BAIAP3: variants seen among roughly 807,000 people sequenced by gnomAD.
BAIAP3 encodes the protein BAI1 associated protein 3, also known as BAI1-associated protein 3.
BAIAP3 carries 180 observed loss-of-function variants against 149.7 expected under a neutral mutation model. The ratio of observed to expected loss-of-function variants is 1.20; its 90% CI spans 1.07 to 1.36. The LOEUF (loss-of-function observed/expected upper bound fraction) is 1.36. Ranked by LOEUF, BAIAP3 falls within the 40% of genes most tolerant of loss-of-function variation. The pLI is 0.00. For missense variants in BAIAP3, 1,767 were observed against 1,563.4 expected, an observed-to-expected ratio of 1.13 and a Z score of -2.20; for synonymous variants, 845 against 670.7, an observed-to-expected ratio of 1.26 and a Z score of -4.02.
intron 9 of BAIAP3, 48 bp downstream of exon 9, chr16:1,341,914 C>CG: frequency 6.3e-7 from 1 of 1,598,480 alleles, no homozygotes; most frequent in Non-Finnish European, 8.5e-7. Context: ...ACACCTTTTG[C>CG]GGGGGAGCAG....
At position 1,347,741 on chromosome 16, in the gene BAIAP3, G is replaced by T. The variant is rs774424048; in HGVS notation, c.2945G>T (p.Arg982Leu). The T allele has an allele frequency of 6.2e-7, 1 of 1,609,980 alleles. No individual in the cohort carries two copies. Among genetic ancestry groups the T allele is most frequent in the Non-Finnish European group, 8.5e-7 (1 of 1,177,816 alleles). Residue 982 changes from arginine to leucine, a missense_variant, in exon 31 of 34, where the codon CGT becomes CTT. By Grantham distance (102) the Arg-to-Leu change is moderately radical. Transcript: ENST00000426824. ...AACCGGTTTGGACGCCTGAGCGTCCGTTGCCATTACGAGGCGGCTGAGCAG... is the reference window on the plus strand; with the variant it reads ...AACCGGTTTGGACGCCTGAGCGTCCTTTGCCATTACGAGGCGGCTGAGCAG... ...EQNRFGRLSV[R>L]CHYEAAEQRL...
chr16:1,344,248 CT>C lies in BAIAP3; in HGVS notation c.1535del (p.Phe512SerfsTer14). 6.2e-7 allele frequency: 1 copy of C among 1,613,698 alleles called. No homozygotes were observed. Among genetic ancestry groups the C allele is most frequent in the Non-Finnish European group, 8.5e-7 (1 of 1,179,982 alleles). On this transcript the variant is annotated frameshift_variant, in exon 17 of 34. Transcript: ENST00000426824. LOFTEE classifies it high-confidence loss of function. ...CCAGGTGTCTGGGCAAGCTGCAGCT[CT>C]TCCAACCCTCCTTTGAGATCTGCCC... ...LLKCLGKLQL[F>X]QPSFEICPFE...
chr16:1,347,145 G>T, intron 28 of BAIAP3, 153 bp from the exon 29 acceptor site: 1 of 930,184 alleles, frequency 1.1e-6, no homozygotes. Flanking sequence ...ACGCTTCCTG[G>T]GAGCTTCCGA....
rs752604358 is a variant in BAIAP3 at position 1,349,350 on chromosome 16, G to A, written c.*868G>A. On this transcript the variant is annotated 3_prime_UTR_variant, in exon 34 of 34. Coordinates refer to ENST00000426824, the MANE Select transcript of BAIAP3 (RefSeq NM_001199097.2). Reference sequence around the variant, plus strand: ...GCTCAGTCCTGCCAGCAGCCGCAAAGAGCCGAGGCTGCCAGGCCCATTTAT... The same window carrying A: ...GCTCAGTCCTGCCAGCAGCCGCAAAAAGCCGAGGCTGCCAGGCCCATTTAT... The A allele has an allele frequency of 3.5e-5, 52 of 1,478,308 alleles. No homozygotes were observed. In the South Asian group the frequency reaches 5.4e-4, roughly 15 times the overall value. 91.6% of individuals were successfully genotyped at this position (1,478,308 alleles called of 1,614,324 possible).
chr16:1,334,842 C>T, intron 1 of BAIAP3: 1 of 1,329,360 alleles, frequency 7.5e-7, no homozygotes, highest in Non-Finnish European at 1.1e-6. Flanking sequence ...AGCAGGGAAG[C>T]TGGAGAGAAG....
chr16:1,342,586 G>C lies in BAIAP3; in HGVS notation c.1017G>C (p.Ser339=). The C allele has an allele frequency of 1.3e-6, 2 of 1,564,930 alleles. No homozygotes were observed. The highest frequency in any genetic ancestry group is 2.4e-5 in the East Asian group (1 of 41,788). The change falls in exon 12 of 34, where the codon TCG becomes TCC. Residue 339 remains serine, a synonymous_variant. Transcript: ENST00000426824. The part of the protein sequence containing the change: ...WFKLEPRSSA[S]RVQGHCHLVL... ...AGCTGGAGCCACGCTCCAGTGCCTC[G>C]CGTGTGCAGGGACACTGCCACCTGG...
chr16:1,340,532 G>A (rs1219772015), intron 5 of BAIAP3, among the ~76,000 whole-genome samples: 21 of 108,960 alleles, frequency 1.9e-4, no homozygotes, highest in Admixed American at 5.5e-4. Context: ...ACACAGACAC[G>A]CACACACACA....
chr16:1,343,990 G>A (rs1466055851), intron 15 of BAIAP3, 32 bp from the exon 16 acceptor site: 7 of 1,610,172 alleles, frequency 4.3e-6, no homozygotes, highest in South Asian at 1.1e-5. Flanking sequence ...GCCGGTCGGG[G>A]CTGCTGGCAC....
chr16:1,346,211 T>C lies in BAIAP3; in HGVS notation c.2343T>C (p.Ala781=). Residue 781 remains alanine (A), a synonymous_variant, in exon 25 of 34, where the codon GCT becomes GCC. Coordinates refer to ENST00000426824, the MANE Select transcript of BAIAP3 (RefSeq NM_001199097.2). Reference sequence around the variant, plus strand: ...ACAATGTGGAGCTCGTGCGCAAGGCTGCTGGGCAGGCCTTGAAGGGCCTGG... The same window carrying C: ...ACAATGTGGAGCTCGTGCGCAAGGCCGCTGGGCAGGCCTTGAAGGGCCTGG... ...VLNNVELVRK[A]AGQALKGLAW... 6.2e-7 allele frequency: 1 copy of C among 1,612,306 alleles called. No individual in the cohort carries two copies. Among genetic ancestry groups the C allele is most frequent in the Non-Finnish European group, 8.5e-7 (1 of 1,179,836 alleles).
Position 1,346,364 on chromosome 16 carries a change from G to A in BAIAP3, c.2493+3G>A. On this transcript the variant is annotated splice_donor_region_variant and intron_variant, in intron 25 of 33. Coordinates refer to ENST00000426824, the MANE Select transcript of BAIAP3 (RefSeq NM_001199097.2). ...TGACAGCGCACCTGACCTCTAAGGTGGGTGGGGCCTGGAGACCAAGGCGTG... is the reference window on the plus strand; with the variant it reads ...TGACAGCGCACCTGACCTCTAAGGTAGGTGGGGCCTGGAGACCAAGGCGTG... The A allele has an allele frequency of 1.2e-6, 2 of 1,609,584 alleles. No individual in the cohort carries two copies. Among genetic ancestry groups the A allele is most frequent in the Admixed American group, 1.7e-5 (1 of 59,916 alleles).
At chr16:1,342,353 G>A (rs774291027) in intron 11 of BAIAP3, 70 bp downstream of exon 11, 27 of 1,516,008 alleles carry the variant, frequency 1.8e-5, no homozygotes, top group Non-Finnish European at 1.8e-6. Flanking sequence ...CCTTCAAGGG[G>A]CAGGGCACTG....
intron 22 of BAIAP3, 45 bp from the exon 23 acceptor site, chr16:1,345,702 C>T (rs1442505419): frequency 2.1e-6 from 3 of 1,445,152 alleles, no homozygotes; most frequent in Admixed American, 2.1e-5. Context: ...ACCTCCCCAG[C>T]CTCCCCTGCC....
rs761264558 is a variant in BAIAP3, at chr16:1,344,089, G to A, written c.1454G>A (p.Arg485Gln). Reference sequence around the variant, plus strand: ...GGGCTGCAGCTGCTGCGCCAGCTCCGAGACTACTTCCCTGCCACCAACAGC... The same window carrying A: ...GGGCTGCAGCTGCTGCGCCAGCTCCAAGACTACTTCCCTGCCACCAACAGC... ...EFGLQLLRQL[R>Q]DYFPATNSTA... Residue 485 changes from arginine to glutamine, a missense_variant, in exon 16 of 34, where the codon CGA becomes CAA. By Grantham distance (43) the Arg-to-Gln change is conservative. Transcript: ENST00000426824. The A allele has an allele frequency of 4.3e-6, 7 of 1,612,046 alleles. No individual in the cohort carries two copies. The highest frequency in any genetic ancestry group is 4.5e-5 in the East Asian group (2 of 44,890).
Position 1,339,812 on chromosome 16 carries a change from GACAC to G in BAIAP3, c.408+217_408+220del, listed in dbSNP as rs796854566. 3.9e-4 allele frequency among the ~76,000 whole-genome samples: 49 copies of G among 126,680 alleles called. 1 individual carries two copies. Among genetic ancestry groups the G allele is most frequent in the African/African-American group, 9.1e-4 (29 of 31,722 alleles). 83.1% of individuals were successfully genotyped at this position (126,680 alleles called of 152,430 possible). ...CGCACACAGGCTGCAGGTGCACACAGACACACACACAGGCTGCAGGTGCACACAG... is the reference window on the plus strand; with the variant it reads ...CGCACACAGGCTGCAGGTGCACACAGACACACAGGCTGCAGGTGCACACAG... On this transcript the variant is annotated intron_variant, in intron 5 of 33. Transcript: ENST00000426824.
intron 33 of BAIAP3, 33 bp downstream of exon 33, chr16:1,348,334 C>T (rs769570522): frequency 1.2e-5 from 19 of 1,603,840 alleles, no homozygotes; most frequent in South Asian, 4.4e-5. Context: ...GCAGGGGCAG[C>T]GGGCCTGACC....
Position 1,346,955 on chromosome 16 carries a change from G to A in BAIAP3, c.2751G>A (p.Glu917=), listed in dbSNP as rs371037911. 10 of 1,605,594 alleles carry A rather than the reference G, an allele frequency of 6.2e-6. No individual in the cohort carries two copies. The highest frequency in any genetic ancestry group is 4.4e-5 in the South Asian group (4 of 90,216). The change falls in exon 28 of 34, where the codon GAG becomes GAA. Residue 917 remains glutamate (E), a splice_region_variant and synonymous_variant. Coordinates refer to ENST00000426824, the MANE Select transcript of BAIAP3 (RefSeq NM_001199097.2). The stretch of plus-strand genomic sequence containing the variant: ...ACAGCCGCTTCCATTTCACGCTGGA[G>A]GTAGAGCTCTGTGAAGGAGTCCTCC... ...DFYSRFHFTL[E]ALVSFFHAEG...
In BAIAP3 at chr16:1,349,175, G is replaced by T; in HGVS notation, c.*693G>T. 1.9e-6 allele frequency: 1 copy of T among 524,534 alleles called. No individual in the cohort carries two copies. Among genetic ancestry groups the T allele is most frequent in the Non-Finnish European group, 3.4e-6 (1 of 290,168 alleles). The allele number at this position is 524,534 out of a possible 1,614,324, so 32.5% of individuals were successfully genotyped here. A position where few individuals can be genotyped will look rare whatever the true frequency, so the allele number is the denominator to read the frequency against. On this transcript the variant is annotated 3_prime_UTR_variant, in exon 34 of 34. Coordinates refer to ENST00000426824, the MANE Select transcript of BAIAP3 (RefSeq NM_001199097.2). ...GAGACCTGCTCCACGACCCTTCCAGGCAGAGCCGAGAGTTCGCCCCAACCC... is the reference window on the plus strand; with the variant it reads ...GAGACCTGCTCCACGACCCTTCCAGTCAGAGCCGAGAGTTCGCCCCAACCC...
Position 1,347,322 on chromosome 16 carries a change from G to A in BAIAP3, c.2776G>A (p.Glu926Lys), listed in dbSNP as rs751821307. 6.2e-7 allele frequency: 1 copy of A among 1,613,444 alleles called. No homozygotes were observed. The highest frequency in any genetic ancestry group is 8.5e-7 in the Non-Finnish European group (1 of 1,179,944). ...LEALVSFFHA[E>K]GQGLPLESLR... ...GGCCCTGGTCAGTTTTTTCCACGCA[G>A]AGGGTCAGGGTTTGCCCCTGGAGAG... Residue 926 changes from glutamate to lysine, a missense_variant, in exon 29 of 34, where the codon GAG (glutamate) becomes AAG (lysine). Physicochemically the swap from Glu to Lys is moderately conservative, Grantham distance 56 (BLOSUM62 1). Coordinates refer to ENST00000426824, the MANE Select transcript of BAIAP3 (RefSeq NM_001199097.2).
intron 6 of BAIAP3, 30 bp from the exon 7 acceptor site, chr16:1,341,099 A>C: frequency 6.2e-7 from 1 of 1,610,576 alleles, no homozygotes; most frequent in East Asian, 2.2e-5. Flanking sequence ...GCTCAGCCTC[A>C]CCAGGCCCCC....
Sources: allele counts gnomAD v4.1 joint callset (sites outside exome capture counted in the v4.1 genomes callset), GRCh38; gene constraint gnomAD v4.1.1; transcripts MANE v1.5; gene names NCBI Gene and HGNC (gene_info 2026-07-23, HGNC 2026-07-21).